FGFR2: variants seen among roughly 807,000 people sequenced by gnomAD.
FGFR2 encodes fibroblast growth factor receptor 2.
In FGFR2, 19 loss-of-function variants were observed where a neutral mutation model predicts 95.9. The observed-to-expected ratio is 0.20, with a 90% CI of 0.14 to 0.29. The LOEUF is 0.29. Among genes scored for constraint, FGFR2 ranks in the 10% least tolerant of loss-of-function variants. FGFR2 has a pLI of 1.00. For missense variants in FGFR2, 707 were observed against 1,056.9 expected, an observed-to-expected ratio of 0.67 and a Z score of 4.59; for synonymous variants, 392 against 393.3, an observed-to-expected ratio of 1.00 and a Z score of 0.04.
chr10:121,486,006 G>A (rs538521522), intron 15 of FGFR2, among the ~76,000 whole-genome samples: 3 of 152,318 alleles, frequency 2.0e-5, no homozygotes, highest in Non-Finnish European at 4.4e-5. Context: ...TACTAAGATC[G>A]CAAAGGCAAT....
chr10:121,529,821 G>C (rs528021860), intron 6 of FGFR2, among the ~76,000 whole-genome samples: 5 of 152,316 alleles, frequency 3.3e-5, no homozygotes, highest in African/African-American at 1.2e-4. Context: ...TCAAGTGACT[G>C]TCACCCTCTC....
chr10:121,585,487 T>C (rs1590098144), intron 2 of FGFR2, among the ~76,000 whole-genome samples: 1 of 152,188 alleles, frequency 6.6e-6, no homozygotes. Flanking sequence ...GGAAATTCAG[T>C]AGGGGCTTTA....
chr10:121,528,693 A>T (rs1851703814), intron 6 of FGFR2, among the ~76,000 whole-genome samples: 1 of 152,230 alleles, frequency 6.6e-6, no homozygotes, highest in African/African-American at 2.4e-5. Context: ...GATGAAACTC[A>T]GAAACTGAAA....
Position 121,480,176 on chromosome 10 carries a change from C to T in FGFR2, c.2302-155G>A, listed in dbSNP as rs558193658. On this transcript the variant is annotated intron_variant, in intron 17 of 17. Transcript: ENST00000358487. The stretch of plus-strand genomic sequence containing the variant: ...AAACTCTTGAGATGTGGGTATTGGA[C>T]GTGGGACAGGACAGGAGACCCCTAG... The T allele has an allele frequency of 3.6e-5, 32 of 885,812 alleles. No individual in the cohort carries two copies. In the East Asian group the frequency reaches 3.6e-4, roughly 10 times the overall value. 54.9% of individuals were successfully genotyped at this position (885,812 alleles called of 1,614,324 possible). A position where few individuals can be genotyped will look rare whatever the true frequency, so the allele number is the denominator to read the frequency against.
intron 8 of FGFR2, 53 bp from the exon 9 acceptor site, chr10:121,515,372 AC>A: frequency 6.5e-7 from 1 of 1,546,926 alleles, no homozygotes; most frequent in South Asian, 1.1e-5. Context: ...TAGAGTTAGC[AC>A]ACCAGACTGA....
Position 121,488,210 on chromosome 10 carries a change from A to G in FGFR2, c.1864-97T>C, listed in dbSNP as rs899497191. ...ATTTCTTAAAATGCAGATAGAAAATATAGCTGATGTTAAAAACCAGTTGCG... is the reference window on the plus strand; with the variant it reads ...ATTTCTTAAAATGCAGATAGAAAATGTAGCTGATGTTAAAAACCAGTTGCG... On this transcript the variant is annotated intron_variant, in intron 13 of 17. Transcript: ENST00000358487. The G allele has an allele frequency of 2.6e-6, 4 of 1,539,832 alleles. No homozygotes were observed. The African/African-American group carries it at 5.5e-5, about 21-fold the overall frequency.
At chr10:121,544,359 G>A (rs780240204) in intron 5 of FGFR2, among the ~76,000 whole-genome samples, 4 of 150,720 alleles carry the variant, frequency 2.7e-5, no homozygotes, top group Non-Finnish European at 4.4e-5. Flanking sequence ...CAGGAAAATC[G>A]CTCGAACCTG....
intron 6 of FGFR2, among the ~76,000 whole-genome samples, chr10:121,525,064 A>G (rs1851178186): frequency 2.6e-5 from 4 of 152,246 alleles, no homozygotes; most frequent in African/African-American, 9.6e-5. Flanking sequence ...ACTCTCAGAT[A>G]TTATATAAAA....
chr10:121,501,372 G>A (rs577208988), intron 10 of FGFR2, among the ~76,000 whole-genome samples: 9 of 152,184 alleles, frequency 5.9e-5, no homozygotes, highest in Admixed American at 1.3e-4. Context: ...AATACCAATG[G>A]ATTTTATGGT....
intron 1 of FGFR2, among the ~76,000 whole-genome samples, chr10:121,597,085 G>C (rs899933292): frequency 6.6e-6 from 1 of 152,216 alleles, no homozygotes. Flanking sequence ...TGGGAGAAAG[G>C]AAGGAGGGTC....
intron 13 of FGFR2, among the ~76,000 whole-genome samples, chr10:121,489,878 C>T (rs895737554): frequency 4.6e-5 from 7 of 152,190 alleles, no homozygotes; most frequent in African/African-American, 1.7e-4. Context: ...CGGGTCTCTA[C>T]GCTTCCAAAC....
intron 9 of FGFR2, among the ~76,000 whole-genome samples, chr10:121,508,532 T>A (rs1239095196): frequency 6.6e-6 from 1 of 152,062 alleles, no homozygotes; most frequent in Non-Finnish European, 1.5e-5. Context: ...ATCTACACCA[T>A]CCCCCAAACA....
At chr10:121,536,805 G>T (rs2912770) in intron 6 of FGFR2, among the ~76,000 whole-genome samples, 114,042 of 152,132 alleles carry the variant, frequency 0.75, 42,912 homozygotes, top group East Asian at 0.91. Context: ...AATGAATGAT[G>T]TGTAGACCTA....
At chr10:121,589,322 T>C (rs1862283066) in intron 2 of FGFR2, among the ~76,000 whole-genome samples, 1 of 152,248 alleles carries the variant, frequency 6.6e-6, no homozygotes, top group Non-Finnish European at 1.5e-5. Flanking sequence ...TACATTTTAT[T>C]GAAACTACGA....
chr10:121,485,320 C>G lies in FGFR2; in HGVS notation c.2195+75G>C, dbSNP rs1613776. Reference sequence around the variant, plus strand: ...TTAGGAAACCAGGGGCCTTCAAAAACGAGATACATCAGGAGAGGTATTACT... The same window carrying G: ...TTAGGAAACCAGGGGCCTTCAAAAAGGAGATACATCAGGAGAGGTATTACT... On this transcript the variant is annotated intron_variant, in intron 16 of 17. Coordinates refer to ENST00000358487, the MANE Select transcript of FGFR2 (RefSeq NM_000141.5). The surrounding 1 kb of genome is among the most constrained non-coding windows in gnomAD (Gnocchi z 4.2). 8 of 1,598,974 alleles carry G rather than the reference C, an allele frequency of 5.0e-6. No individual in the cohort carries two copies. Among genetic ancestry groups the G allele is most frequent in the Non-Finnish European group, 6.9e-6 (8 of 1,167,508 alleles).
chr10:121,596,239 G>GC (rs1237382859), intron 1 of FGFR2, among the ~76,000 whole-genome samples: 2 of 152,072 alleles, frequency 1.3e-5, no homozygotes, highest in Non-Finnish European at 2.9e-5. Context: ...TCGGCCGCCC[G>GC]CCCCCCGGTC....
At position 121,517,250 on chromosome 10, in the gene FGFR2, G is replaced by A. The variant is rs2134251754; in HGVS notation, c.1084+69C>T. 1 of 1,502,674 alleles carries A rather than the reference G, an allele frequency of 6.7e-7. No individual in the cohort carries two copies. The allele number at this position is 1,502,674 out of a possible 1,614,324, so 93.1% of individuals were successfully genotyped here. On this transcript the variant is annotated intron_variant, in intron 8 of 17. Coordinates refer to ENST00000358487, the MANE Select transcript of FGFR2 (RefSeq NM_000141.5). This position sits in a 1 kb window ranked among gnomAD's most constrained non-coding sequence, Gnocchi z 4.7. ...AAAGGGGCCATTTCTGATAACAGAAGCTGTGTTAATTTTATAGCAGTCAAC... is the reference window on the plus strand; with the variant it reads ...AAAGGGGCCATTTCTGATAACAGAAACTGTGTTAATTTTATAGCAGTCAAC...
intron 6 of FGFR2, among the ~76,000 whole-genome samples, chr10:121,533,353 G>A (rs764785057): frequency 3.9e-4 from 59 of 152,268 alleles, no homozygotes; most frequent in Non-Finnish European, 6.3e-4. Flanking sequence ...TCATGCCACT[G>A]TACTCCAGCC....
chr10:121,582,123 C>T (rs1442662048), intron 2 of FGFR2, among the ~76,000 whole-genome samples: 1 of 151,900 alleles, frequency 6.6e-6, no homozygotes, highest in Admixed American at 6.6e-5. Context: ...GTAGAGACCA[C>T]GTTTCACCAT....
Sources: gnomAD v4.1 joint callset for allele counts (sites outside exome capture counted in the v4.1 genomes callset) on GRCh38, gnomAD v4.1.1 for gene constraint, Gnocchi (gnomAD v3.1) non-coding constraint, MANE v1.5 for transcripts, NCBI Gene and HGNC (gene_info 2026-07-23, HGNC 2026-07-21) for gene names.